Variants in CALD1 observed in about 807,000 individuals in gnomAD.
CALD1 encodes caldesmon 1, also known as caldesmon.
Under a neutral mutation model 99.9 loss-of-function variants are expected in CALD1, and 33 were observed. The observed-to-expected ratio is 0.33, with a 90% CI of 0.25 to 0.44. CALD1 has a LOEUF of 0.44. Ranked by LOEUF, CALD1 falls within the 20% of genes least tolerant of loss-of-function variation. The probability of loss-of-function intolerance (pLI) is 1.00; values close to 1 mark genes in which losing one functional copy is unlikely to be tolerated. For missense variants in CALD1, 861 were observed against 962.1 expected (o/e 0.89, Z 1.39); for synonymous variants, 310 against 325.0 (o/e 0.95, Z 0.50).
chr7:134,780,646 G>A (rs139700233), intron 1 of CALD1, among the ~76,000 whole-genome samples: 5 of 152,164 alleles, frequency 3.3e-5, no homozygotes, highest in African/African-American at 1.2e-4. Context: ...GTAGTAGCCT[G>A]GAATTCCTTT....
At chr7:134,785,408 T>TTTGTTATCTTCAAGATATTTTACATTG in intron 1 of CALD1, among the ~76,000 whole-genome samples, 1 of 152,208 alleles carries the variant, frequency 6.6e-6, no homozygotes, top group African/African-American at 2.4e-5. Context: ...GTCTTGAAGA[T>TTTGTTATCTTCAAGATATTTTACATTG]TTAATATGTA....
In CALD1 at chr7:134,933,794, G is replaced by C; in HGVS notation, c.1025G>C (p.Arg342Thr). 6.4e-7 allele frequency: 1 copy of C among 1,552,902 alleles called. No homozygotes were observed. Among genetic ancestry groups the C allele is most frequent in the Non-Finnish European group, 8.7e-7 (1 of 1,148,190 alleles). Residue 342 changes from arginine (R) to threonine (T), a missense_variant, in exon 5 of 15, where the codon AGG (arginine) becomes ACG (threonine). By Grantham distance (71) the Arg-to-Thr change is moderately conservative (BLOSUM62 -1). This residue lies in a region of CALD1 where 21 missense variants were observed against 47.5 expected (regional missense o/e 0.44). Coordinates refer to ENST00000361675, the MANE Select transcript of CALD1 (RefSeq NM_033138.4). ...GAAGAGAAAAGGGCAGCAGAGGAGA[G>C]GCAGAGGATAAAGGAGGAAGAGAAA... is the stretch of plus-strand genomic sequence containing the variant. ...KEEEKRAAEE[R>T]QRIKEEEKRA...
chr7:134,790,079 TAAG>T lies in CALD1; in HGVS notation c.-130+10331_-130+10333del, dbSNP rs1168226766. On this transcript the variant is annotated intron_variant, in intron 1 of 14. Transcript: ENST00000361675. Reference sequence around the variant, plus strand: ...AGGGAGAGGAAAAGAGAAAAAGAAATAAGGAGAGAGAGAGAGAGAGAGAGAGAA... The same window carrying T: ...AGGGAGAGGAAAAGAGAAAAAGAAATGAGAGAGAGAGAGAGAGAGAGAGAA... 2.7e-4 allele frequency among the ~76,000 whole-genome samples: 29 copies of T among 107,278 alleles called. No individual in the cohort carries two copies. The South Asian group carries it at 8.2e-3, about 30-fold the overall frequency. The allele number at this position is 107,278 out of a possible 152,430, so 70.4% of individuals were successfully genotyped here. A position where few individuals can be genotyped will look rare whatever the true frequency, so the allele number is the denominator to read the frequency against.
At chr7:134,908,238 T>C (rs753659512) in intron 3 of CALD1, among the ~76,000 whole-genome samples, 29 of 152,214 alleles carry the variant, frequency 1.9e-4, no homozygotes, top group African/African-American at 4.3e-4. Context: ...GGATATACCA[T>C]TGGATATATT....
At chr7:134,741,147 C>T (rs1796588831), upstream of CALD1, among the ~76,000 whole-genome samples, 1 of 152,150 alleles carries the variant, frequency 6.6e-6, no homozygotes, top group African/African-American at 2.4e-5. Context: ...CATAAGGACA[C>T]ATCTGAGACT....
intron 4 of CALD1, 56 bp from the exon 5 acceptor site, chr7:134,932,932 G>A (rs1805640101): frequency 4.0e-6 from 5 of 1,239,168 alleles, no homozygotes; most frequent in Non-Finnish European, 1.1e-6. Context: ...CTGTATGAAT[G>A]CTGCTGACTG....
chr7:134,712,987 T>C, the CALD1 span, among the ~76,000 whole-genome samples: 7 of 152,342 alleles, frequency 4.6e-5, no homozygotes, highest in East Asian at 1.3e-3. Context: ...TGACAGTCTA[T>C]AATATACAAG....
chr7:134,933,085 A>G lies in CALD1; in HGVS notation c.316A>G (p.Arg106Gly), dbSNP rs1332108004. ...FLERLARREERRQKRLQEALE... is the reference protein window; with the variant it reads ...FLERLARREEGRQKRLQEALE... ...GGAGCGCCTGGCTCGGCGTGAGGAA[A>G]GACGCCAAAAACGCCTTCAGGAGGC... The change falls in exon 5 of 15, where the codon AGA becomes GGA. Residue 106 changes from arginine (R) to glycine (G), a missense_variant. Physicochemically the swap from Arg to Gly is moderately radical, Grantham distance 125. This residue lies in a region of CALD1 where 123 missense variants were observed against 169.8 expected (regional missense o/e 0.72). Transcript: ENST00000361675. The G allele has an allele frequency of 1.2e-6, 2 of 1,613,974 alleles. No homozygotes were observed. Among genetic ancestry groups the G allele is most frequent in the Non-Finnish European group, 1.7e-6 (2 of 1,180,000 alleles).
intron 1 of CALD1, among the ~76,000 whole-genome samples, chr7:134,745,311 A>G (rs1236963752): frequency 6.6e-6 from 1 of 152,230 alleles, no homozygotes; most frequent in East Asian, 1.9e-4. Context: ...TTAATGGTTT[A>G]AGCAAATATT....
intron 7 of CALD1, among the ~76,000 whole-genome samples, chr7:134,944,863 A>C (rs1426163364): frequency 6.6e-6 from 1 of 152,200 alleles, no homozygotes; most frequent in Non-Finnish European, 1.5e-5. Flanking sequence ...GGCAAATCCA[A>C]CTTAGGTGAA....
chr7:134,842,930 G>A (rs1036879672), intron 1 of CALD1, among the ~76,000 whole-genome samples: 1 of 152,058 alleles, frequency 6.6e-6, no homozygotes, highest in Non-Finnish European at 1.5e-5. Flanking sequence ...TTACACCTTG[G>A]TTCTCCTATA....
chr7:134,746,645 G>A (rs1284937192), intron 1 of CALD1, among the ~76,000 whole-genome samples: 2 of 152,126 alleles, frequency 1.3e-5, no homozygotes, highest in East Asian at 3.8e-4. Flanking sequence ...AAAAAGGAGA[G>A]CTGTAGAGAA....
intron 1 of CALD1, among the ~76,000 whole-genome samples, chr7:134,823,755 A>T (rs1283428235): frequency 6.6e-6 from 1 of 152,256 alleles, no homozygotes; most frequent in East Asian, 1.9e-4. Flanking sequence ...CTTTGAAAAA[A>T]ATATATCATT....
intron 3 of CALD1, among the ~76,000 whole-genome samples, chr7:134,875,920 G>C (rs1801328470): frequency 6.6e-6 from 1 of 152,194 alleles, no homozygotes; most frequent in East Asian, 1.9e-4. Context: ...GAAGGCTGTT[G>C]ATATGACTAT....
At position 134,933,360 on chromosome 7, in the gene CALD1, G is replaced by C. The variant is rs780371499; in HGVS notation, c.591G>C (p.Lys197Asn). 1.1e-5 allele frequency: 17 copies of C among 1,604,656 alleles called. No homozygotes were observed. The highest frequency in any genetic ancestry group is 1.4e-5 in the Non-Finnish European group (17 of 1,174,710). ...AAAAGGAGGAGGAGGAAGAGGAGAA[G>C]CCAAAGCGAGGGAGCATTGGAGAAA... is the stretch of plus-strand genomic sequence containing the variant. Reference protein sequence around the residue: ...DKEKEEEEEEKPKRGSIGENQ... With the variant: ...DKEKEEEEEENPKRGSIGENQ... Residue 197 changes from lysine (K) to asparagine (N), a missense_variant, in exon 5 of 15, where the codon AAG becomes AAC. This residue lies in a region of CALD1 where 234 missense variants were observed against 233.1 expected (regional missense o/e 1.00). Transcript: ENST00000361675.
chr7:134,743,599 A>T (rs559665094), upstream of CALD1, among the ~76,000 whole-genome samples: 1 of 152,248 alleles, frequency 6.6e-6, no homozygotes, highest in African/African-American at 2.4e-5. Context: ...CTGTGCAATG[A>T]CTCAATTTAG....
At chr7:134,830,045 G>T (rs1799156233) in intron 1 of CALD1, among the ~76,000 whole-genome samples, 1 of 152,048 alleles carries the variant, frequency 6.6e-6, no homozygotes, top group Admixed American at 6.6e-5. Flanking sequence ...GGGAAACAAG[G>T]ACTGTGTTCA....
the CALD1 span, among the ~76,000 whole-genome samples, chr7:134,721,883 G>A: frequency 6.6e-6 from 1 of 152,112 alleles, no homozygotes; most frequent in Non-Finnish European, 1.5e-5. Flanking sequence ...GGGGTAGCTC[G>A]TGCTGTGTAA....
intron 7 of CALD1, among the ~76,000 whole-genome samples, chr7:134,946,297 G>C (rs1021984915): frequency 3.3e-5 from 5 of 152,082 alleles, no homozygotes; most frequent in Non-Finnish European, 5.9e-5. Context: ...CCATGTTGTA[G>C]CATGTATCTT....
Sources: gnomAD v4.1 joint callset for allele counts (sites outside exome capture counted in the v4.1 genomes callset) on GRCh38, gnomAD v4.1.1 for gene constraint, gnomAD v4.1.1 regional missense constraint, MANE v1.5 for transcripts, NCBI Gene and HGNC (gene_info 2026-07-23, HGNC 2026-07-21) for gene names.